The following ATP6V1H variants were observed in gnomAD, a reference collection of about 807,000 sequenced individuals.
The protein encoded by ATP6V1H is V-type proton ATPase subunit H.
In ATP6V1H, 39 loss-of-function variants were observed where a neutral mutation model predicts 71.7. The observed-to-expected ratio is 0.54, with a 90% CI of 0.42 to 0.71. The LOEUF (loss-of-function observed/expected upper bound fraction) is 0.71, where lower values mean the gene tolerates loss of function less well. Ranked by LOEUF, ATP6V1H falls within the 30% of genes least tolerant of loss-of-function variation. ATP6V1H has a pLI of 0.00. For missense variants in ATP6V1H, 509 were observed against 594.9 expected, an observed-to-expected ratio of 0.86 and a Z score of 1.50; for synonymous variants, 192 against 199.3, an observed-to-expected ratio of 0.96 and a Z score of 0.31.
chr8:53,813,023 T>A lies in ATP6V1H; in HGVS notation c.525+1639A>T, dbSNP rs118125041. Among the ~76,000 whole-genome samples the A allele has an allele frequency of 5.0e-3, 761 of 152,166 alleles. 6 individuals carry two copies. The highest frequency in any genetic ancestry group is 0.012 in the African/African-American group (480 of 41,514). ...AATGAAGTTTATTTAAAGGGAGAGA[T>A]CATTTCAAAGCAGGAAAAAAGGGAG... is the stretch of plus-strand genomic sequence containing the variant. On this transcript the variant is annotated intron_variant, in intron 6 of 13. Transcript: ENST00000359530.
Position 53,740,123 on chromosome 8 carries a change from A to G in ATP6V1H, c.1391+3454T>C, listed in dbSNP as rs143969648. On this transcript the variant is annotated intron_variant, in intron 13 of 13. Coordinates refer to ENST00000359530, the MANE Select transcript of ATP6V1H (RefSeq NM_015941.4). ...CATACTCCATATGATATAAACTCAA[A>G]TGTATCTCTACATTATCAAGAAACT... Among the ~76,000 whole-genome samples the G allele has an allele frequency of 4.9e-3, 751 of 152,342 alleles. 7 individuals are homozygous for G. The highest frequency in any genetic ancestry group is 0.017 in the African/African-American group (692 of 41,576).
chr8:53,737,439 C>A (rs1251531825), intron 13 of ATP6V1H, among the ~76,000 whole-genome samples: 1 of 152,200 alleles, frequency 6.6e-6, no homozygotes, highest in Non-Finnish European at 1.5e-5. Context: ...GAAATGTTTT[C>A]TCAGAATACA....
intron 7 of ATP6V1H, among the ~76,000 whole-genome samples, chr8:53,802,399 G>A (rs1809941902): frequency 6.6e-6 from 1 of 152,148 alleles, no homozygotes; most frequent in South Asian, 2.1e-4. Context: ...ACACTGCCAA[G>A]CACCCTGAAT....
chr8:53,730,978 A>C (rs1806995255), intron 13 of ATP6V1H, among the ~76,000 whole-genome samples: 1 of 152,168 alleles, frequency 6.6e-6, no homozygotes, highest in African/African-American at 2.4e-5. Flanking sequence ...TAAAATAAAA[A>C]TCCAAAAAGA....
chr8:53,718,384 AT>A (rs35145366), intron 13 of ATP6V1H, among the ~76,000 whole-genome samples: 16,929 of 121,724 alleles, frequency 0.14, 861 homozygotes, highest in Non-Finnish European at 0.19. Context: ...CTCCTACACA[AT>A]TTTTTTTTTT....
At chr8:53,768,683 C>CA (rs893216330) in intron 11 of ATP6V1H, among the ~76,000 whole-genome samples, 39 of 150,814 alleles carry the variant, frequency 2.6e-4, no homozygotes, top group East Asian at 3.9e-4. Flanking sequence ...AAGCCAGTCA[C>CA]AAAAAAAAAT....
intron 5 of ATP6V1H, among the ~76,000 whole-genome samples, chr8:53,816,473 A>G (rs1013262551): frequency 6.6e-6 from 1 of 152,168 alleles, no homozygotes; most frequent in Non-Finnish European, 1.5e-5. Context: ...ATTCTTCAGT[A>G]CTAGGGCTTC....
rs138888100 is a variant in ATP6V1H at position 53,811,855 on chromosome 8, G to A, written c.526-638C>T. Among the ~76,000 whole-genome samples, 338 of 152,158 alleles carry A rather than the reference G, an allele frequency of 2.2e-3. 1 individual carries two copies. The highest frequency in any genetic ancestry group is 7.9e-3 in the African/African-American group (326 of 41,494). ...TGAGTCCCCACAACCCAAGTGCAAC[G>A]CTCCAAACTACCCAAAAAGGCTTCA... On this transcript the variant is annotated intron_variant, in intron 6 of 13. Transcript: ENST00000359530.
chr8:53,775,526 A>C, intron 9 of ATP6V1H, among the ~76,000 whole-genome samples: 1 of 152,264 alleles, frequency 6.6e-6, no homozygotes, highest in Admixed American at 6.5e-5. Flanking sequence ...TCCCCATCAG[A>C]TTAGTTAGAT....
chr8:53,753,135 A>G (rs1408878493), intron 12 of ATP6V1H, among the ~76,000 whole-genome samples: 2 of 151,842 alleles, frequency 1.3e-5, no homozygotes, highest in African/African-American at 4.8e-5. Flanking sequence ...TGAGGAGAAA[A>G]TAATTTGAAA....
chr8:53,785,853 G>T (rs563597017), intron 9 of ATP6V1H, among the ~76,000 whole-genome samples: 9 of 152,152 alleles, frequency 5.9e-5, no homozygotes, highest in Non-Finnish European at 1.3e-4. Flanking sequence ...CAGAACAGCG[G>T]ATATTCGTGA....
At chr8:53,770,146 CAT>C (rs1808604909) in intron 10 of ATP6V1H, among the ~76,000 whole-genome samples, 1 of 152,056 alleles carries the variant, frequency 6.6e-6, no homozygotes, top group Non-Finnish European at 1.5e-5. Context: ...AGTACTTTAA[CAT>C]AATAAACTCA....
At chr8:53,780,700 T>C (rs1809085702) in intron 9 of ATP6V1H, among the ~76,000 whole-genome samples, 1 of 151,880 alleles carries the variant, frequency 6.6e-6, no homozygotes, top group Admixed American at 6.6e-5. Flanking sequence ...CATCCCCCAC[T>C]CCACAACAGC....
intron 12 of ATP6V1H, among the ~76,000 whole-genome samples, chr8:53,752,512 G>C (rs548046681): frequency 6.6e-6 from 1 of 152,274 alleles, no homozygotes; most frequent in African/African-American, 2.4e-5. Flanking sequence ...TAATTCAGTA[G>C]CAATAAAGGG....
chr8:53,787,229 C>A (rs908741358), intron 9 of ATP6V1H, among the ~76,000 whole-genome samples: 2 of 152,206 alleles, frequency 1.3e-5, no homozygotes, highest in East Asian at 3.8e-4. Flanking sequence ...CTCATCCAAA[C>A]CTAGTATCTA....
Position 53,772,131 on chromosome 8 carries a change from G to A in ATP6V1H, c.907C>T (p.Gln303Ter), listed in dbSNP as rs1355597421. 1.9e-6 allele frequency: 3 copies of A among 1,613,190 alleles called. No individual in the cohort carries two copies. Among genetic ancestry groups the A allele is most frequent in the East Asian group, 4.5e-5 (2 of 44,860 alleles). The change falls in exon 10 of 14, where the codon CAA becomes TAA. Residue 303 changes from glutamine to a stop codon, truncating the protein, a stop_gained. Coordinates refer to ENST00000359530, the MANE Select transcript of ATP6V1H (RefSeq NM_015941.4). LOFTEE classifies it high-confidence loss of function. Reference sequence around the variant, plus strand: ...TGAATCATAGCCAGGGCATATTCTTGGCGAGTTTCTCTTTCAGTTGATTTT... The same window carrying A: ...TGAATCATAGCCAGGGCATATTCTTAGCGAGTTTCTCTTTCAGTTGATTTT... ...LEKSTERETR[Q>*]EYALAMIQCK...
At chr8:53,800,889 CTG>C (rs1809889994) in intron 8 of ATP6V1H, among the ~76,000 whole-genome samples, 1 of 152,114 alleles carries the variant, frequency 6.6e-6, no homozygotes, top group African/African-American at 2.4e-5. Flanking sequence ...AGATGACAAA[CTG>C]TGATGGCTAT....
Position 53,835,876 on chromosome 8 carries a change from T to C in ATP6V1H, c.114-2790A>G, listed in dbSNP as rs528423531. On this transcript the variant is annotated intron_variant, in intron 2 of 13. Coordinates refer to ENST00000359530, the MANE Select transcript of ATP6V1H (RefSeq NM_015941.4). Reference sequence around the variant, plus strand: ...ACTGCCTCCTGTGCCTCAGCTACTATGAAAAGCTCTCTTCATTTCTCACTA... The same window carrying C: ...ACTGCCTCCTGTGCCTCAGCTACTACGAAAAGCTCTCTTCATTTCTCACTA... Among the ~76,000 whole-genome samples the C allele has an allele frequency of 8.5e-5, 13 of 152,072 alleles. No homozygotes were observed. The South Asian group carries it at 2.7e-3, about 32-fold the overall frequency.
chr8:53,817,538 A>G lies in ATP6V1H; in HGVS notation c.307-8T>C. The G allele has an allele frequency of 6.3e-7, 1 of 1,586,054 alleles. No homozygotes were observed. Among genetic ancestry groups the G allele is most frequent in the Non-Finnish European group, 8.6e-7 (1 of 1,158,508 alleles). Reference sequence around the variant, plus strand: ...AACACGCTGATGATTTTCCTAAAAAAGAAAAGAAATGATATCACCAGTCAG... The same window carrying G: ...AACACGCTGATGATTTTCCTAAAAAGGAAAAGAAATGATATCACCAGTCAG... On this transcript the variant is annotated splice_polypyrimidine_tract_variant and splice_region_variant and intron_variant, in intron 4 of 13. Coordinates refer to ENST00000359530, the MANE Select transcript of ATP6V1H (RefSeq NM_015941.4).
Sources: gnomAD v4.1 joint callset for allele counts (sites outside exome capture counted in the v4.1 genomes callset) on GRCh38, gnomAD v4.1.1 for gene constraint, MANE v1.5 for transcripts, NCBI Gene and HGNC (gene_info 2026-07-23, HGNC 2026-07-21) for gene names.